Variants in LRRC4C observed in about 807,000 individuals in gnomAD.
The protein encoded by LRRC4C is leucine rich repeat containing 4C.
In LRRC4C, 5 loss-of-function variants were observed where a neutral mutation model predicts 33.6. That is an observed-to-expected ratio of 0.15 (90% CI 0.08 to 0.31). The LOEUF is 0.31. Among genes scored for constraint, LRRC4C ranks in the 10% least tolerant of loss-of-function variants. The pLI is 1.00. For missense variants in LRRC4C, 560 were observed against 796.7 expected (o/e 0.70, Z 3.58); for synonymous variants, 329 against 302.0 (o/e 1.09, Z -0.93).
intron 3 of LRRC4C, among the ~76,000 whole-genome samples, chr11:40,639,562 G>A (rs115902438): frequency 0.023 from 3,532 of 152,240 alleles, 59 homozygotes; most frequent in South Asian, 0.036. Context: ...TTATTGCTGC[G>A]CCTTCTTTGT....
At chr11:40,853,136 G>T (rs1409793607) in intron 2 of LRRC4C, among the ~76,000 whole-genome samples, 1 of 152,046 alleles carries the variant, frequency 6.6e-6, no homozygotes, top group Non-Finnish European at 1.5e-5. Flanking sequence ...AATATTTGTG[G>T]TGCTGTTGGT....
chr11:40,414,334 A>G (rs373410100), intron 3 of LRRC4C, among the ~76,000 whole-genome samples: 1 of 152,148 alleles, frequency 6.6e-6, no homozygotes, highest in Non-Finnish European at 1.5e-5. Context: ...GGCTAAAAAA[A>G]AAATCTCAGT....
intron 2 of LRRC4C, among the ~76,000 whole-genome samples, chr11:40,696,039 A>ATGTGTGTG (rs1210814141): frequency 1.1e-4 from 14 of 128,494 alleles, no homozygotes; most frequent in African/African-American, 5.8e-4. Flanking sequence ...GTGTATATAT[A>ATGTGTGTG]TATGTGTGTG....
At chr11:40,323,049 T>G (rs1334967005) in intron 3 of LRRC4C, among the ~76,000 whole-genome samples, 1 of 152,192 alleles carries the variant, frequency 6.6e-6, no homozygotes, top group Non-Finnish European at 1.5e-5. Context: ...CACAAATCTC[T>G]ATACATATTT....
At chr11:41,457,934 C>T (rs565998043) in intron 1 of LRRC4C, among the ~76,000 whole-genome samples, 37 of 152,138 alleles carry the variant, frequency 2.4e-4, no homozygotes, top group Non-Finnish European at 4.6e-4. Flanking sequence ...AGAGTATAAT[C>T]TCTTCTTTAA....
chr11:40,152,104 C>A (rs1565058665), intron 5 of LRRC4C, among the ~76,000 whole-genome samples: 1 of 152,028 alleles, frequency 6.6e-6, no homozygotes, highest in Non-Finnish European at 1.5e-5. Context: ...CTGCAGGACT[C>A]GAGAGACACC....
intron 2 of LRRC4C, among the ~76,000 whole-genome samples, chr11:40,906,639 T>C (rs1213231935): frequency 6.6e-6 from 1 of 152,206 alleles, no homozygotes; most frequent in African/African-American, 2.4e-5. Flanking sequence ...TGATATTCCC[T>C]TTATTGTGGT....
At chr11:41,051,503 C>T (rs1337787013) in intron 1 of LRRC4C, among the ~76,000 whole-genome samples, 1 of 92,114 alleles carries the variant, frequency 1.1e-5, no homozygotes, top group Non-Finnish European at 2.0e-5. Context: ...AACTCAGTCC[C>T]TCCCAGGGTC....
chr11:40,368,645 T>C (rs1315543595), intron 3 of LRRC4C, among the ~76,000 whole-genome samples: 3 of 152,154 alleles, frequency 2.0e-5, no homozygotes, highest in Non-Finnish European at 2.9e-5. Context: ...AAGCATTTCC[T>C]GGTATTTTCC....
At chr11:40,209,191 C>A (rs1204344897) in intron 5 of LRRC4C, among the ~76,000 whole-genome samples, 2 of 152,084 alleles carry the variant, frequency 1.3e-5, no homozygotes, top group East Asian at 3.9e-4. Flanking sequence ...TAAGGCTGTT[C>A]CAGGGTTTAT....
At chr11:40,868,710 CT>C (rs1365528574) in intron 2 of LRRC4C, among the ~76,000 whole-genome samples, 3 of 152,076 alleles carry the variant, frequency 2.0e-5, no homozygotes, top group Non-Finnish European at 4.4e-5. Flanking sequence ...TACTTCTCTG[CT>C]TTGTAATATA....
intron 4 of LRRC4C, among the ~76,000 whole-genome samples, chr11:40,319,091 A>G (rs1268488540): frequency 1.3e-5 from 2 of 152,192 alleles, no homozygotes; most frequent in African/African-American, 2.4e-5. Flanking sequence ...CAGTGGTAAC[A>G]GAAAAAAATA....
At chr11:41,332,524 C>A (rs993079474) in intron 1 of LRRC4C, among the ~76,000 whole-genome samples, 1 of 152,142 alleles carries the variant, frequency 6.6e-6, no homozygotes, top group Admixed American at 6.5e-5. Context: ...CTCCTAAGAG[C>A]TTCAGCACTC....
rs560986788 is a variant in LRRC4C at position 40,230,434 on chromosome 11, T to A, written c.-96+11085A>T. Among the ~76,000 whole-genome samples the A allele has an allele frequency of 2.6e-3, 391 of 152,048 alleles. 2 individuals carry two copies. The highest frequency in any genetic ancestry group is 8.9e-3 in the African/African-American group (369 of 41,470). On this transcript the variant is annotated intron_variant, in intron 5 of 6. Transcript: ENST00000528697. ...TTACCCAAGAGGGAGAAGAAGAAAA[T>A]TGGCAGGGGATGAGGAGGATTTGAT...
At chr11:40,671,836 T>C (rs900601660) in intron 2 of LRRC4C, among the ~76,000 whole-genome samples, 1 of 152,184 alleles carries the variant, frequency 6.6e-6, no homozygotes, top group Admixed American at 6.5e-5. Context: ...TATCTAAGAT[T>C]ATTTCTAAGT....
intron 3 of LRRC4C, among the ~76,000 whole-genome samples, chr11:40,474,723 A>G (rs1953120854): frequency 6.6e-6 from 1 of 152,188 alleles, no homozygotes; most frequent in Non-Finnish European, 1.5e-5. Flanking sequence ...CAAGGAACTT[A>G]AACAAATTTA....
intron 6 of LRRC4C, among the ~76,000 whole-genome samples, chr11:40,127,294 AT>A (rs1177834751): frequency 1.2e-4 from 18 of 152,168 alleles, no homozygotes; most frequent in African/African-American, 4.1e-4. Flanking sequence ...AAAAAAAAAA[AT>A]ATAGAGATTT....
chr11:40,342,660 A>C (rs1946923196), intron 3 of LRRC4C, among the ~76,000 whole-genome samples: 3 of 152,126 alleles, frequency 2.0e-5, no homozygotes, highest in Admixed American at 6.6e-5. Context: ...CTAATGAAAC[A>C]CTGGCTGGCA....
intron 3 of LRRC4C, among the ~76,000 whole-genome samples, chr11:40,644,342 A>T (rs2136107078): frequency 6.6e-6 from 1 of 152,284 alleles, no homozygotes; most frequent in East Asian, 1.9e-4. Context: ...AGTTACAGTT[A>T]CTCTGGAAAA....
Sources: gnomAD v4.1 joint callset for allele counts (sites outside exome capture counted in the v4.1 genomes callset) on GRCh38, gnomAD v4.1.1 for gene constraint, MANE v1.5 for transcripts, NCBI Gene and HGNC (gene_info 2026-07-23, HGNC 2026-07-21) for gene names.